The following EDAR variants were observed in gnomAD, a reference collection of about 807,000 sequenced individuals.
EDAR encodes tumor necrosis factor receptor superfamily member EDAR.
A neutral mutation model predicts 51.3 loss-of-function variants in EDAR; 38 were observed. The ratio of observed to expected loss-of-function variants is 0.74; its 90% confidence interval spans 0.57 to 0.97. The LOEUF is 0.97. Ranked by LOEUF, EDAR falls within the 50% of genes least tolerant of loss-of-function variation. The pLI, the probability that EDAR is intolerant of heterozygous loss-of-function variation, is 0.00. For synonymous variants in EDAR, 227 were observed against 242.1 expected (o/e 0.94, Z 0.58); for missense variants, 528 against 595.0 (o/e 0.89, Z 1.17).
intron 8 of EDAR, 30 bp from the exon 9 acceptor site, chr2:108,910,562 AG>A: frequency 6.3e-7 from 1 of 1,588,116 alleles, no homozygotes; most frequent in Non-Finnish European, 8.6e-7. Flanking sequence ...TTGGGGAGAT[AG>A]GAGTTAGAAT....
intron 1 of EDAR, among the ~76,000 whole-genome samples, chr2:108,965,441 G>A (rs1264962789): frequency 1.4e-5 from 2 of 144,958 alleles, no homozygotes; most frequent in Non-Finnish European, 3.0e-5. Context: ...CTCCAACCTG[G>A]GAGACAGAGC....
intron 5 of EDAR, among the ~76,000 whole-genome samples, chr2:108,918,355 T>C (rs1405943290): frequency 6.6e-6 from 1 of 152,218 alleles, no homozygotes; most frequent in African/African-American, 2.4e-5. Context: ...CCCGGTCCAC[T>C]GTGTGCTGTG....
At chr2:108,928,213 C>T (rs1037421250) in intron 4 of EDAR, among the ~76,000 whole-genome samples, 4 of 152,192 alleles carry the variant, frequency 2.6e-5, no homozygotes, top group Non-Finnish European at 2.9e-5. Context: ...CACTGCCCAG[C>T]TGCTCAGCCC....
intron 1 of EDAR, among the ~76,000 whole-genome samples, chr2:108,935,435 C>A (rs1382526873): frequency 1.3e-5 from 2 of 152,244 alleles, no homozygotes; most frequent in African/African-American, 4.8e-5. Context: ...TCAACCAGAT[C>A]TGCAGGTGGT....
At chr2:108,915,691 G>A (rs574573093) in intron 5 of EDAR, among the ~76,000 whole-genome samples, 90 of 152,244 alleles carry the variant, frequency 5.9e-4, no homozygotes, top group African/African-American at 2.1e-3. Context: ...CCTAAGAGGA[G>A]TTTGAGACCA....
At chr2:108,987,726 G>A (rs970188441) in intron 1 of EDAR, among the ~76,000 whole-genome samples, 5 of 152,164 alleles carry the variant, frequency 3.3e-5, no homozygotes, top group Non-Finnish European at 7.3e-5. Flanking sequence ...CCGGCCAATC[G>A]CCACCAGGAT....
Position 108,897,070 on chromosome 2 carries a change from A to G in EDAR, c.1184T>C (p.Met395Thr). ...RDEIGGMTDG[M>T]QLFDRISTAG... The stretch of plus-strand genomic sequence containing the variant: ...CGTGCTGATGCGGTCAAAGAGTTGC[A>G]TGCCGTCTGTCATGCCCCCAATCTC... The change falls in exon 12 of 12, where the codon ATG becomes ACG. Residue 395 changes from methionine to threonine, a missense_variant. Transcript: ENST00000258443. The G allele has an allele frequency of 6.2e-7, 1 of 1,614,198 alleles. No homozygotes were observed. Among genetic ancestry groups the G allele is most frequent in the Non-Finnish European group, 8.5e-7 (1 of 1,180,050 alleles).
intron 5 of EDAR, among the ~76,000 whole-genome samples, chr2:108,914,276 AAAAAT>A (rs1696987429): frequency 6.6e-6 from 1 of 151,986 alleles, no homozygotes; most frequent in Non-Finnish European, 1.5e-5. Context: ...AAAATAAAAT[AAAAAT>A]AAAATAAAAA....
rs1325950436 is a variant in EDAR, at chr2:108,947,473, T to G, written c.-18-16441A>C. On this transcript the variant is annotated intron_variant, in intron 1 of 11. Coordinates refer to ENST00000258443, the MANE Select transcript of EDAR (RefSeq NM_022336.4). ...CCAACTGCATTGCCTTGGTAGAGGT[T>G]CTCCATGAGGGCTTCACCCCTGCAG... is the stretch of plus-strand genomic sequence containing the variant. 2.0e-5 allele frequency among the ~76,000 whole-genome samples: 3 copies of G among 152,172 alleles called. No individual in the cohort carries two copies. The East Asian group carries it at 5.8e-4, about 29-fold the overall frequency.
chr2:108,955,605 G>C (rs1000553174), intron 1 of EDAR, among the ~76,000 whole-genome samples: 1 of 152,144 alleles, frequency 6.6e-6, no homozygotes, highest in African/African-American at 2.4e-5. Context: ...CTACCTGGGA[G>C]ACTGAAGCAG....
At chr2:108,930,532 A>G (rs995175965) in intron 2 of EDAR, among the ~76,000 whole-genome samples, 56 of 152,050 alleles carry the variant, frequency 3.7e-4, no homozygotes, top group African/African-American at 1.4e-3. Context: ...TCATCAACGC[A>G]CTTGCCAAGG....
chr2:108,978,766 C>T (rs952325873), intron 1 of EDAR, among the ~76,000 whole-genome samples: 2 of 152,126 alleles, frequency 1.3e-5, no homozygotes, highest in African/African-American at 2.4e-5. Context: ...GACAGTCTAT[C>T]GGTAAGCTGG....
chr2:108,911,276 C>T (rs1047160832), intron 6 of EDAR, among the ~76,000 whole-genome samples: 4 of 152,128 alleles, frequency 2.6e-5, no homozygotes, highest in South Asian at 2.1e-4. Context: ...CAGCCCTGCT[C>T]GCTGCCCTCA....
chr2:108,928,445 C>T (rs1205964988), intron 4 of EDAR, among the ~76,000 whole-genome samples: 2 of 152,176 alleles, frequency 1.3e-5, no homozygotes, highest in African/African-American at 2.4e-5. Flanking sequence ...GGCCTCATCA[C>T]TGCCATCACC....
chr2:108,894,789 A>T lies in EDAR; in HGVS notation c.*2118T>A, dbSNP rs1696549158. On this transcript the variant is annotated 3_prime_UTR_variant, in exon 12 of 12. Transcript: ENST00000258443. ...CAAGGGAATTTGTAACTATATAAGG[A>T]ATAGCTCCCTAAAAATGGCAGGTGG... 1 of 152,242 alleles carries T rather than the reference A, an allele frequency of 6.6e-6. No individual in the cohort carries two copies. Among genetic ancestry groups the T allele is most frequent in the African/African-American group, 2.4e-5 (1 of 41,446 alleles). The allele number at this position is 152,242 out of a possible 1,614,324, so 9.4% of individuals were successfully genotyped here.
chr2:108,974,419 T>C (rs1353469094), intron 1 of EDAR, among the ~76,000 whole-genome samples: 1 of 149,532 alleles, frequency 6.7e-6, no homozygotes, highest in South Asian at 2.1e-4. Flanking sequence ...ATGAACATTA[T>C]CTTAATGATT....
chr2:108,904,569 CT>C (rs144854000), intron 11 of EDAR, among the ~76,000 whole-genome samples: 10,582 of 152,188 alleles, frequency 0.07, 1,223 homozygotes, highest in African/African-American at 0.24. Context: ...CCCTGATGTC[CT>C]TCAACAAGTG....
At chr2:108,897,260 T>G (rs1306733428) in intron 11 of EDAR, 31 bp from the exon 12 acceptor site, 1 of 1,591,462 alleles carries the variant, frequency 6.3e-7, no homozygotes, top group Non-Finnish European at 8.6e-7. Flanking sequence ...AGTTAGATGT[T>G]GCAAGTCACA....
At chr2:108,906,142 G>C (rs1168380277) in intron 11 of EDAR, among the ~76,000 whole-genome samples, 166 bp downstream of exon 11, 1 of 152,214 alleles carries the variant, frequency 6.6e-6, no homozygotes, top group Non-Finnish European at 1.5e-5. Context: ...ACAAGATTCT[G>C]TTTCCCCACA....
Sources: gnomAD v4.1 joint callset for allele counts (sites outside exome capture counted in the v4.1 genomes callset) on GRCh38, gnomAD v4.1.1 for gene constraint, MANE v1.5 for transcripts, NCBI Gene and HGNC (gene_info 2026-07-23, HGNC 2026-07-21) for gene names.